HYLS1: variants seen among roughly 807,000 people sequenced by gnomAD.
HYLS1 encodes centriolar and ciliogenesis-associated protein HYLS1.
In HYLS1, 25 loss-of-function variants were observed where a neutral mutation model predicts 29.4. The ratio of observed to expected loss-of-function variants is 0.85; its 90% confidence interval spans 0.62 to 1.19. HYLS1 has a LOEUF of 1.19. HYLS1 is among the 50% of genes most tolerant of loss of function. The pLI is 0.00. For missense variants in HYLS1, 352 were observed against 365.1 expected (o/e 0.96, Z 0.29); for synonymous variants, 128 against 126.7 (o/e 1.01, Z -0.07).
intron 2 of HYLS1, chr11:125,896,106 T>C (rs761160037): frequency 3.7e-6 from 6 of 1,614,132 alleles, no homozygotes; most frequent in Admixed American, 1.7e-5. Context: ...TCTTCGGCCA[T>C]GAGCACTGAA....
chr11:125,891,919 A>G (rs1944419704), intron 2 of HYLS1, among the ~76,000 whole-genome samples: 2 of 152,244 alleles, frequency 1.3e-5, no homozygotes, highest in Admixed American at 6.5e-5. Flanking sequence ...GCAATTATGC[A>G]GCATTAGTTT....
intron 2 of HYLS1, chr11:125,896,393 G>T: frequency 9.1e-7 from 1 of 1,101,818 alleles, no homozygotes; most frequent in Non-Finnish European, 1.3e-6. Context: ...TGTTCTAATG[G>T]TATATAAGAT....
chr11:125,885,310 G>T (rs1380489560), upstream of HYLS1, among the ~76,000 whole-genome samples: 1 of 152,118 alleles, frequency 6.6e-6, no homozygotes, highest in African/African-American at 2.4e-5. Context: ...AATTAGCTGG[G>T]TGTGGTGGCA....
intron 2 of HYLS1, among the ~76,000 whole-genome samples, chr11:125,892,838 A>G (rs1591496535): frequency 6.6e-6 from 1 of 152,324 alleles, no homozygotes; most frequent in African/African-American, 2.4e-5. Context: ...TGGCCCTGCA[A>G]AATCTAAGCT....
chr11:125,895,437 G>A, intron 2 of HYLS1: 1 of 1,614,064 alleles, frequency 6.2e-7, no homozygotes, highest in Non-Finnish European at 8.5e-7. Flanking sequence ...CTGTACTTGA[G>A]CAGATAGAAT....
intron 1 of HYLS1, among the ~76,000 whole-genome samples, chr11:125,889,669 A>G (rs1178213286): frequency 6.6e-6 from 1 of 151,828 alleles, no homozygotes; most frequent in African/African-American, 2.4e-5. Flanking sequence ...CCTGAGAGGC[A>G]GAGGTTGCGG....
chr11:125,885,774 C>G (rs1426267587), upstream of HYLS1, among the ~76,000 whole-genome samples: 1 of 152,258 alleles, frequency 6.6e-6, no homozygotes, highest in East Asian at 1.9e-4. Context: ...CCCCATCTGG[C>G]ATTACTGCCT....
intron 2 of HYLS1, chr11:125,896,385 T>A (rs2134247932): frequency 2.6e-6 from 3 of 1,164,216 alleles, no homozygotes; most frequent in Non-Finnish European, 3.7e-6. Context: ...TTTGATGATG[T>A]TCTAATGGTA....
chr11:125,900,389 C>T lies in HYLS1; in HGVS notation c.*121C>T, dbSNP rs1944735288. ...AAACATTTTATGGTAAGGACTTCAC[C>T]TATCATTGGTCTTTCCTAGCTATAT... On this transcript the variant is annotated 3_prime_UTR_variant, in exon 3 of 3. Coordinates refer to ENST00000425380, the MANE Select transcript of HYLS1 (RefSeq NM_001134793.2). 1.1e-6 allele frequency: 1 copy of T among 911,548 alleles called. No individual in the cohort carries two copies. Among genetic ancestry groups the T allele is most frequent in the Non-Finnish European group, 1.7e-6 (1 of 575,078 alleles). 56.5% of individuals were successfully genotyped at this position (911,548 alleles called of 1,614,324 possible). A position where few individuals can be genotyped will look rare whatever the true frequency, so the allele number is the denominator to read the frequency against.
At position 125,891,473 on chromosome 11, in the gene HYLS1, G is replaced by A. The variant is rs1273983939; in HGVS notation, c.-26+1G>A. 1.9e-5 allele frequency: 1 copy of A among 53,344 alleles called. No homozygotes were observed. Among genetic ancestry groups the A allele is most frequent in the Non-Finnish European group, 3.7e-5 (1 of 27,046 alleles). The allele number at this position is 53,344 out of a possible 1,614,324, so 3.3% of individuals were successfully genotyped here. ...ACCAATCAAGATACATTGAAATAAGGTAAGAAATTGAAAAAAAAAAAAAAA... is the reference window on the plus strand; with the variant it reads ...ACCAATCAAGATACATTGAAATAAGATAAGAAATTGAAAAAAAAAAAAAAA... On this transcript the variant is annotated splice_donor_variant, in intron 2 of 2. Transcript: ENST00000425380. LOFTEE classifies it low-confidence loss of function (5UTR_SPLICE).
intron 2 of HYLS1, chr11:125,893,963 A>G (rs1264471412): frequency 4.3e-6 from 7 of 1,614,170 alleles, no homozygotes; most frequent in Non-Finnish European, 5.9e-6. Context: ...CCGGGATTCC[A>G]GTCCTTGGCA....
intron 2 of HYLS1, chr11:125,896,364 A>G (rs1591502909): frequency 7.6e-7 from 1 of 1,318,308 alleles, no homozygotes; most frequent in East Asian, 2.3e-5. Context: ...AACAGTTTCA[A>G]TGCTAGTTCC....
intron 2 of HYLS1, chr11:125,895,232 A>G (rs1018643317): frequency 1.9e-6 from 3 of 1,583,502 alleles, no homozygotes; most frequent in Non-Finnish European, 2.6e-6. Flanking sequence ...ACCTATATTG[A>G]GGCTTTTGGG....
At chr11:125,884,770 C>T (rs1944280390), upstream of HYLS1, among the ~76,000 whole-genome samples, 1 of 152,176 alleles carries the variant, frequency 6.6e-6, no homozygotes, top group Non-Finnish European at 1.5e-5. Flanking sequence ...CAAGACTGGT[C>T]ATAAGTTAAT....
chr11:125,895,904 T>C (rs1489547824), intron 2 of HYLS1: 30 of 1,611,374 alleles, frequency 1.9e-5, no homozygotes, highest in Non-Finnish European at 2.5e-5. Flanking sequence ...TATTGGCCCT[T>C]ACCTGTCCAA....
chr11:125,899,871 T>C lies in HYLS1; in HGVS notation c.503T>C (p.Leu168Pro). The C allele has an allele frequency of 6.2e-7, 1 of 1,614,216 alleles. No homozygotes were observed. The highest frequency in any genetic ancestry group is 1.6e-4 in the Middle Eastern group (1 of 6,062). Reference sequence around the variant, plus strand: ...TACCAAGGAATTTCTCAAGATCAGCTCATTTGCTCTCTACAAAGAGAAGGA... The same window carrying C: ...TACCAAGGAATTTCTCAAGATCAGCCCATTTGCTCTCTACAAAGAGAAGGA... ...HEYQGISQDQ[L>P]ICSLQREGMG... The change falls in exon 3 of 3, where the codon CTC (leucine) becomes CCC (proline). Residue 168 changes from leucine (L) to proline (P), a missense_variant. Physicochemically the swap from Leu to Pro is moderately conservative, Grantham distance 98. Transcript: ENST00000425380.
Position 125,899,708 on chromosome 11 carries a change from A to C in HYLS1, c.340A>C (p.Ile114Leu), listed in dbSNP as rs780461754. The C allele has an allele frequency of 3.1e-6, 5 of 1,614,088 alleles. No individual in the cohort carries two copies. In the South Asian group the frequency reaches 4.4e-5, roughly 14 times the overall value. ...DGEVLVTDES[I>L]ISESESGTEN... Reference sequence around the variant, plus strand: ...GGAAGTATTAGTAACAGATGAGTCGATTATCAGTGAATCAGAATCTGGTAC... The same window carrying C: ...GGAAGTATTAGTAACAGATGAGTCGCTTATCAGTGAATCAGAATCTGGTAC... The change falls in exon 3 of 3, where the codon ATT (isoleucine) becomes CTT (leucine). Residue 114 changes from isoleucine to leucine, a missense_variant. Coordinates refer to ENST00000425380, the MANE Select transcript of HYLS1 (RefSeq NM_001134793.2).
chr11:125,885,816 G>T (rs1331388454), upstream of HYLS1, among the ~76,000 whole-genome samples: 1 of 152,226 alleles, frequency 6.6e-6, no homozygotes, highest in East Asian at 1.9e-4. Flanking sequence ...GAACAGGGGT[G>T]TTAGAGTCTC....
intron 2 of HYLS1, among the ~76,000 whole-genome samples, chr11:125,898,432 T>C (rs191242707): frequency 5.3e-5 from 8 of 152,264 alleles, no homozygotes; most frequent in East Asian, 1.9e-4. Flanking sequence ...ACCCCTGTAA[T>C]GGGAGGCCGA....
Sources: allele counts gnomAD v4.1 joint callset (sites outside exome capture counted in the v4.1 genomes callset), GRCh38; gene constraint gnomAD v4.1.1; transcripts MANE v1.5; gene names NCBI Gene and HGNC (gene_info 2026-07-23, HGNC 2026-07-21).